The following ORC3 variants were observed in gnomAD, a reference collection of about 807,000 sequenced individuals.
ORC3 encodes origin recognition complex subunit 3, also known as homolog of latheo, Drosophila.
In ORC3, 78 loss-of-function variants were observed where a neutral mutation model predicts 100.7. That is an observed-to-expected ratio of 0.77 (90% CI 0.65 to 0.94). The LOEUF (loss-of-function observed/expected upper bound fraction) is 0.94. Ranked by LOEUF, ORC3 falls within the 40% of genes least tolerant of loss-of-function variation. The pLI is 0.00. For synonymous variants in ORC3, 295 were observed against 289.3 expected, an observed-to-expected ratio of 1.02 and a Z score of -0.20; for missense variants, 789 against 823.9, an observed-to-expected ratio of 0.96 and a Z score of 0.52.
At chr6:87,604,834 TTCTTTGGC>T (rs1778214595) in intron 4 of ORC3, among the ~76,000 whole-genome samples, 1 of 152,230 alleles carries the variant, frequency 6.6e-6, no homozygotes, top group Admixed American at 6.5e-5. Context: ...AATATTTTTA[TTCTTTGGC>T]TCTCCTAGAA....
the ORC3 span, among the ~76,000 whole-genome samples, chr6:87,672,800 CAATATTT>C: frequency 2.5e-4 from 38 of 152,232 alleles, no homozygotes; most frequent in African/African-American, 8.9e-4. Flanking sequence ...TTTAAACCTC[CAATATTT>C]ATTTTTCTCA....
In ORC3 at chr6:87,611,975, A is replaced by G. The variant is rs979972689; in HGVS notation, c.714-114A>G. ...TTTAGTGTTTGCAATGATAATCCTT[A>G]ACAGTGTCTTATAAAGTAAGCATTA... is the stretch of plus-strand genomic sequence containing the variant. On this transcript the variant is annotated intron_variant, in intron 7 of 19. Coordinates refer to ENST00000392844, the MANE Select transcript of ORC3 (RefSeq NM_012381.4). 2.2e-5 allele frequency: 21 copies of G among 936,522 alleles called. No individual in the cohort carries two copies. In the African/African-American group the frequency reaches 3.3e-4, roughly 15 times the overall value. 58.0% of individuals were successfully genotyped at this position (936,522 alleles called of 1,614,324 possible). A position where few individuals can be genotyped will look rare whatever the true frequency, so the allele number is the denominator to read the frequency against.
rs137986721 is a variant in ORC3 at position 87,644,551 on chromosome 6, A to T, written c.1382+8065A>T. On this transcript the variant is annotated intron_variant, in intron 13 of 19. Coordinates refer to ENST00000392844, the MANE Select transcript of ORC3 (RefSeq NM_012381.4). ...CCCTGTCTGTACTAAAAATACAAAA[A>T]TTAGCCGGGCGTGGTGGCACACGCC... 9.1e-3 allele frequency among the ~76,000 whole-genome samples: 1,385 copies of T among 152,150 alleles called. 21 individuals carry two copies. Among genetic ancestry groups the T allele is most frequent in the African/African-American group, 0.031 (1,290 of 41,536 alleles).
chr6:87,669,048 A>G (rs1770776419), downstream of ORC3, among the ~76,000 whole-genome samples: 1 of 152,108 alleles, frequency 6.6e-6, no homozygotes, highest in African/African-American at 2.4e-5. Context: ...TCCCAGCTAC[A>G]TGGAAGGCTG....
chr6:87,638,822 C>T (rs189210594), intron 13 of ORC3, among the ~76,000 whole-genome samples: 19 of 152,054 alleles, frequency 1.2e-4, no homozygotes, highest in African/African-American at 4.6e-4. Context: ...TTCACTGTAC[C>T]AATGGTGTGT....
chr6:87,597,194 C>G (rs948351434), intron 2 of ORC3, among the ~76,000 whole-genome samples: 1 of 152,110 alleles, frequency 6.6e-6, no homozygotes, highest in African/African-American at 2.4e-5. Flanking sequence ...TCATATACAC[C>G]TTAACCACAT....
chr6:87,643,583 G>C (rs1329709452), intron 13 of ORC3, among the ~76,000 whole-genome samples: 1 of 152,114 alleles, frequency 6.6e-6, no homozygotes, highest in African/African-American at 2.4e-5. Context: ...TTTTATCACA[G>C]TAAACAGAAA....
Position 87,665,788 on chromosome 6 carries a change from T to A in ORC3, c.1985T>A (p.Met662Lys). 6.2e-7 allele frequency: 1 copy of A among 1,612,632 alleles called. No homozygotes were observed. The highest frequency in any genetic ancestry group is 8.5e-7 in the Non-Finnish European group (1 of 1,178,968). The change falls in exon 19 of 20, where the codon ATG becomes AAG. Residue 662 changes from methionine (M) to lysine (K), a missense_variant. Coordinates refer to ENST00000392844, the MANE Select transcript of ORC3 (RefSeq NM_012381.4). ...ACAGTTGTGACAGCTGCTGAAAAAA[T>A]GGATGCAAATTCTGCAACCTCAGAA... Reference protein sequence around the residue: ...FATVVTAAEKMDANSATSEEM... With the variant: ...FATVVTAAEKKDANSATSEEM...
chr6:87,670,753 G>GGCA (rs1770816148), downstream of ORC3, among the ~76,000 whole-genome samples: 1 of 152,202 alleles, frequency 6.6e-6, no homozygotes, highest in Non-Finnish European at 1.5e-5. Context: ...CCATGTGCCA[G>GGCA]GCACTGTATG....
At chr6:87,608,548 C>T (rs561952317) in intron 6 of ORC3, among the ~76,000 whole-genome samples, 4 of 152,226 alleles carry the variant, frequency 2.6e-5, no homozygotes, top group Admixed American at 1.3e-4. Flanking sequence ...GACTAAACTA[C>T]GTCTAATACT....
chr6:87,673,285 C>CA, the ORC3 span, among the ~76,000 whole-genome samples: 1 of 150,334 alleles, frequency 6.7e-6, no homozygotes, highest in Admixed American at 6.7e-5. Flanking sequence ...TTCAGCCTCC[C>CA]AAGTAGCTGG....
intron 2 of ORC3, among the ~76,000 whole-genome samples, chr6:87,597,928 A>G (rs1038121870): frequency 2.6e-5 from 4 of 152,120 alleles, no homozygotes; most frequent in Non-Finnish European, 5.9e-5. Flanking sequence ...TTGTTCCCCC[A>G]TTATCATTAG....
chr6:87,664,996 T>A, intron 18 of ORC3, 137 bp downstream of exon 18: 1 of 621,710 alleles, frequency 1.6e-6, no homozygotes, highest in Non-Finnish European at 2.8e-6. Context: ...AAAGCATAAA[T>A]CATTTCAAAC....
intron 8 of ORC3, among the ~76,000 whole-genome samples, chr6:87,614,515 T>G (rs1779016569): frequency 6.6e-6 from 1 of 152,236 alleles, no homozygotes. Context: ...GGGATTTTCT[T>G]TTCTATCTCA....
chr6:87,638,336 C>T (rs1020714776), intron 13 of ORC3, among the ~76,000 whole-genome samples: 22 of 152,086 alleles, frequency 1.4e-4, no homozygotes, highest in African/African-American at 4.6e-4. Flanking sequence ...AAGTCAGGGA[C>T]GCTTTTTAGT....
At chr6:87,616,909 T>C (rs1779196820) in intron 9 of ORC3, among the ~76,000 whole-genome samples, 1 of 152,172 alleles carries the variant, frequency 6.6e-6, no homozygotes, top group African/African-American at 2.4e-5. Flanking sequence ...CAAGCAATTC[T>C]GCCTCAGCCT....
chr6:87,597,680 T>TAC (rs55758892), intron 2 of ORC3, among the ~76,000 whole-genome samples: 15,858 of 138,396 alleles, frequency 0.11, 864 homozygotes, highest in African/African-American at 0.19. Flanking sequence ...TATATATATA[T>TAC]ACACACACAC....
At chr6:87,646,728 A>G (rs1768821733) in intron 13 of ORC3, among the ~76,000 whole-genome samples, 2 of 152,116 alleles carry the variant, frequency 1.3e-5, no homozygotes, top group Admixed American at 6.5e-5. Context: ...ATTCTCCTTT[A>G]GTGCTTTCTC....
chr6:87,595,592 C>T (rs1562314612), intron 2 of ORC3, among the ~76,000 whole-genome samples: 1 of 152,160 alleles, frequency 6.6e-6, no homozygotes, highest in Non-Finnish European at 1.5e-5. Context: ...TCTTAGTCTT[C>T]ACATCCTTTC....
Sources: gnomAD v4.1 joint callset for allele counts (sites outside exome capture counted in the v4.1 genomes callset) on GRCh38, gnomAD v4.1.1 for gene constraint, MANE v1.5 for transcripts, NCBI Gene and HGNC (gene_info 2026-07-23, HGNC 2026-07-21) for gene names.